Variants in OR2L13 observed in about 807,000 individuals in gnomAD.
OR2L13 encodes the protein olfactory receptor 2L13.
Under a neutral mutation model 15.3 loss-of-function variants are expected in OR2L13, and 14 were observed. The ratio of observed to expected loss-of-function variants is 0.91; its 90% CI spans 0.60 to 1.43. The LOEUF (loss-of-function observed/expected upper bound fraction) is 1.43, where lower values mean the gene tolerates loss of function less well. OR2L13 is among the 40% of genes most tolerant of loss of function. The pLI is 0.00. For synonymous variants in OR2L13, 152 were observed against 142.9 expected, an observed-to-expected ratio of 1.06 and a Z score of -0.45; for missense variants, 367 against 387.9, an observed-to-expected ratio of 0.95 and a Z score of 0.45.
chr1:247,995,882 A>G, the OR2L13 span, among the ~76,000 whole-genome samples: 1 of 152,320 alleles, frequency 6.6e-6, no homozygotes, highest in East Asian at 1.9e-4. Context: ...ATCCCGAATT[A>G]CAATGGGTCC....
chr1:247,993,076 A>G, the OR2L13 span, among the ~76,000 whole-genome samples: 1 of 152,126 alleles, frequency 6.6e-6, no homozygotes, highest in African/African-American at 2.4e-5. Context: ...AGTGACTGGT[A>G]TAAAATGGTC....
At chr1:248,045,148 G>C in the OR2L13 span, among the ~76,000 whole-genome samples, 1 of 152,152 alleles carries the variant, frequency 6.6e-6, no homozygotes, top group Admixed American at 6.5e-5. Flanking sequence ...AAGTAAATAT[G>C]ACTATGAAAT....
At chr1:247,977,960 G>A in the OR2L13 span, among the ~76,000 whole-genome samples, 3 of 152,016 alleles carry the variant, frequency 2.0e-5, no homozygotes, top group Non-Finnish European at 4.4e-5. Flanking sequence ...CCTTAAAAAC[G>A]TCATCTCCAA....
the OR2L13 span, among the ~76,000 whole-genome samples, chr1:248,077,278 A>C: frequency 1.3e-5 from 2 of 152,208 alleles, no homozygotes; most frequent in South Asian, 4.1e-4. Context: ...ATTGATGTTC[A>C]TCAGGGATAT....
At chr1:248,011,617 G>A in the OR2L13 span, among the ~76,000 whole-genome samples, 1 of 152,026 alleles carries the variant, frequency 6.6e-6, no homozygotes, top group Non-Finnish European at 1.5e-5. Flanking sequence ...TTTTCTCATA[G>A]TCCTATATTT....
chr1:247,964,991 C>G, the OR2L13 span, among the ~76,000 whole-genome samples: 1 of 149,222 alleles, frequency 6.7e-6, no homozygotes, highest in East Asian at 2.0e-4. Context: ...ATATATAATT[C>G]ATATATACTT....
At chr1:247,962,664 CT>C in the OR2L13 span, among the ~76,000 whole-genome samples, 1 of 152,158 alleles carries the variant, frequency 6.6e-6, no homozygotes, top group African/African-American at 2.4e-5. Flanking sequence ...GCTAAAACAT[CT>C]TTTTGGCCTC....
chr1:247,966,379 T>A, the OR2L13 span: 1 of 1,550,520 alleles, frequency 6.4e-7, no homozygotes, highest in South Asian at 1.2e-5. Context: ...CTGAAAACTA[T>A]CTGGAAAGAT....
chr1:248,015,925 G>T, the OR2L13 span, among the ~76,000 whole-genome samples: 1 of 152,130 alleles, frequency 6.6e-6, no homozygotes, highest in Admixed American at 6.6e-5. Flanking sequence ...ATCAGTGAGT[G>T]CCCCAAGGGA....
chr1:248,049,924 A>G, the OR2L13 span, among the ~76,000 whole-genome samples: 3 of 152,186 alleles, frequency 2.0e-5, no homozygotes, highest in African/African-American at 7.2e-5. Context: ...ATATATGCAT[A>G]TATGTATGTG....
At chr1:248,008,360 C>T in the OR2L13 span, among the ~76,000 whole-genome samples, 17 of 152,054 alleles carry the variant, frequency 1.1e-4, no homozygotes, top group African/African-American at 3.4e-4. Context: ...TTGCATTGAC[C>T]ATTTATTTGG....
chr1:247,991,507 T>C, the OR2L13 span, among the ~76,000 whole-genome samples: 2 of 149,248 alleles, frequency 1.3e-5, no homozygotes, highest in Non-Finnish European at 3.0e-5. Context: ...TGGCTTTAGA[T>C]AGACAAGAGT....
chr1:248,086,775 A>AC, the OR2L13 span, among the ~76,000 whole-genome samples: 1 of 151,954 alleles, frequency 6.6e-6, no homozygotes, highest in Non-Finnish European at 1.5e-5. Flanking sequence ...TAAATAGGAT[A>AC]CCTGGATTTA....
the OR2L13 span, among the ~76,000 whole-genome samples, chr1:248,018,954 A>G: frequency 2.6e-4 from 40 of 152,238 alleles, no homozygotes; most frequent in Non-Finnish European, 5.4e-4. Flanking sequence ...AAGTTCATCT[A>G]TGTTGTAGCA....
the OR2L13 span, chr1:248,022,054 T>C: frequency 6.2e-7 from 1 of 1,613,908 alleles, no homozygotes; most frequent in Non-Finnish European, 8.5e-7. Context: ...ATTTTCCTAA[T>C]GGCTCTAATT....
At chr1:248,044,402 A>C in the OR2L13 span, among the ~76,000 whole-genome samples, 482 of 152,328 alleles carry the variant, frequency 3.2e-3, 3 homozygotes, top group African/African-American at 0.011. Context: ...AAACTGACTC[A>C]GTGCAGGATG....
At chr1:248,007,951 C>T in the OR2L13 span, among the ~76,000 whole-genome samples, 8 of 152,012 alleles carry the variant, frequency 5.3e-5, no homozygotes, top group East Asian at 1.2e-3. Context: ...AGTGGTGTAC[C>T]ATCCACAAAT....
chr1:247,964,209 T>A, the OR2L13 span, among the ~76,000 whole-genome samples: 2 of 152,224 alleles, frequency 1.3e-5, no homozygotes, highest in Non-Finnish European at 2.9e-5. Context: ...CTGTCTCTCA[T>A]TTTTATTGAC....
chr1:247,947,523 GA>G, the OR2L13 span, among the ~76,000 whole-genome samples: 1 of 152,200 alleles, frequency 6.6e-6, no homozygotes, highest in Non-Finnish European at 1.5e-5. Context: ...AAGTCTGTCA[GA>G]ATTTTAGTTT....
Sources: gnomAD v4.1 joint callset for allele counts (sites outside exome capture counted in the v4.1 genomes callset) on GRCh38, gnomAD v4.1.1 for gene constraint, MANE v1.5 for transcripts, NCBI Gene and HGNC (gene_info 2026-07-23, HGNC 2026-07-21) for gene names.